Variants in PDHX observed in about 807,000 individuals in gnomAD.
PDHX encodes the protein pyruvate dehydrogenase protein X component, mitochondrial.
PDHX carries 33 observed loss-of-function variants against 55.3 expected under a neutral mutation model. The observed-to-expected ratio is 0.60, with a 90% CI of 0.45 to 0.80. PDHX has a LOEUF of 0.80. Ranked by LOEUF, PDHX falls within the 30% of genes least tolerant of loss-of-function variation. The pLI is 0.00. For missense variants in PDHX, 622 were observed against 619.9 expected (o/e 1.00, Z -0.04); for synonymous variants, 226 against 219.4 (o/e 1.03, Z -0.27).
chr11:34,994,125 G>A (rs1309594210), intron 10 of PDHX, among the ~76,000 whole-genome samples: 3 of 152,140 alleles, frequency 2.0e-5, no homozygotes, highest in Non-Finnish European at 2.9e-5. Flanking sequence ...ACATCATAGA[G>A]TGTACTTACG....
At chr11:34,934,982 A>G (rs1249631348) in intron 2 of PDHX, among the ~76,000 whole-genome samples, 1 of 152,058 alleles carries the variant, frequency 6.6e-6, no homozygotes, top group Non-Finnish European at 1.5e-5. Context: ...ATACTTACGA[A>G]TAAAATGACA....
intron 5 of PDHX, among the ~76,000 whole-genome samples, chr11:34,965,843 T>G (rs1273908376): frequency 2.0e-5 from 3 of 152,142 alleles, no homozygotes; most frequent in Non-Finnish European, 1.5e-5. Context: ...ATAAAACAAT[T>G]TTTTTTCTTA....
At chr11:34,950,527 C>A (rs1288388734) in intron 3 of PDHX, among the ~76,000 whole-genome samples, 3 of 136,714 alleles carry the variant, frequency 2.2e-5, no homozygotes, top group South Asian at 2.4e-4. Context: ...CCTCCCCCTT[C>A]CCCCCACCCC....
intron 9 of PDHX, among the ~76,000 whole-genome samples, chr11:34,991,431 A>G (rs1205902302): frequency 6.6e-6 from 1 of 152,212 alleles, no homozygotes; most frequent in Admixed American, 6.6e-5. Context: ...ATCATTTCTG[A>G]AGGCTGACAA....
At chr11:34,988,563 A>G (rs113972528) in intron 9 of PDHX, among the ~76,000 whole-genome samples, 4 of 138,908 alleles carry the variant, frequency 2.9e-5, no homozygotes, top group African/African-American at 1.4e-4. Flanking sequence ...TCTGTCAAAA[A>G]AAAAAAAAAA....
At chr11:34,947,480 AAAAC>A (rs757067040) in intron 2 of PDHX, 22 bp from the exon 3 acceptor site, 18 of 1,528,902 alleles carry the variant, frequency 1.2e-5, no homozygotes, top group Non-Finnish European at 1.4e-5. Context: ...TTTAAAAAAC[AAAAC>A]AAACCCAGTC....
intron 1 of PDHX, among the ~76,000 whole-genome samples, chr11:34,925,466 T>G (rs1853996239): frequency 1.3e-5 from 2 of 152,216 alleles, no homozygotes; most frequent in African/African-American, 4.8e-5. Flanking sequence ...CTGTTATTCC[T>G]TTTCTCTGTG....
At chr11:34,916,527 C>T (rs112032820), upstream of PDHX, 443,161 of 1,231,024 alleles carry the variant, frequency 0.36, 74,250 homozygotes, top group Non-Finnish European at 0.4. Context: ...GGTTGGGGGG[C>T]GGGGGTTCAA....
intron 3 of PDHX, among the ~76,000 whole-genome samples, chr11:34,953,774 C>T (rs776655956): frequency 3.9e-5 from 6 of 152,144 alleles, no homozygotes; most frequent in Non-Finnish European, 8.8e-5. Flanking sequence ...TGATCTTGAG[C>T]AAGTTACATA....
intron 1 of PDHX, among the ~76,000 whole-genome samples, chr11:34,923,148 A>G (rs1853937098): frequency 6.6e-6 from 1 of 152,162 alleles, no homozygotes; most frequent in Non-Finnish European, 1.5e-5. Flanking sequence ...GATACTAAGT[A>G]GAAGTATAAT....
intron 1 of PDHX, among the ~76,000 whole-genome samples, chr11:34,930,897 A>G (rs1005670019): frequency 2.0e-5 from 3 of 152,238 alleles, no homozygotes; most frequent in Non-Finnish European, 4.4e-5. Context: ...CTTGAATACT[A>G]TAATATTAGA....
chr11:34,989,378 A>AG (rs1855714146), intron 9 of PDHX, among the ~76,000 whole-genome samples: 3 of 150,596 alleles, frequency 2.0e-5, no homozygotes, highest in South Asian at 4.1e-4. Context: ...TGCAACTGGG[A>AG]GAAAAAAAGG....
chr11:34,916,674 C>A lies in PDHX; in HGVS notation c.19C>A (p.Leu7Met). 6.2e-7 allele frequency: 1 copy of A among 1,610,970 alleles called. No individual in the cohort carries two copies. Residue 7 changes from leucine to methionine, a missense_variant, in exon 1 of 11, where the codon CTG becomes ATG. Physicochemically the swap from Leu to Met is conservative, Grantham distance 15. Coordinates refer to ENST00000227868, the MANE Select transcript of PDHX (RefSeq NM_003477.3). MAASWR[L>M]GCDPRLLRYL... ...CGTCAAGATGGCGGCCTCCTGGAGG[C>A]TGGGCTGTGATCCGCGGCTGCTGCG...
intron 6 of PDHX, among the ~76,000 whole-genome samples, chr11:34,968,388 T>C (rs1264721768): frequency 6.6e-6 from 1 of 152,218 alleles, no homozygotes; most frequent in African/African-American, 2.4e-5. Context: ...AATTTCTTAA[T>C]GATATTTGTA....
At chr11:34,957,650 A>G in intron 4 of PDHX, 67 bp downstream of exon 4, 1 of 1,239,966 alleles carries the variant, frequency 8.1e-7, no homozygotes, top group South Asian at 1.2e-5. Flanking sequence ...ATGGAATTGT[A>G]ATCATTATCA....
intron 1 of PDHX, among the ~76,000 whole-genome samples, chr11:34,925,980 A>G (rs948936329): frequency 5.3e-5 from 8 of 152,202 alleles, no homozygotes; most frequent in Non-Finnish European, 1.2e-4. Context: ...CAACCTATAT[A>G]TTGCTTATGG....
rs1854813775 is a variant in PDHX, at chr11:34,953,018, A to G, written c.343-4366A>G. On this transcript the variant is annotated intron_variant, in intron 3 of 10. Transcript: ENST00000227868. ...TCTCAGGATACAAAATCAATGTACA[A>G]AAATCACAGGCATTCTTATACACCA... Among the ~76,000 whole-genome samples the G allele has an allele frequency of 2.6e-5, 4 of 152,184 alleles. No homozygotes were observed. In the South Asian group the frequency reaches 6.2e-4, roughly 24 times the overall value.
intron 2 of PDHX, among the ~76,000 whole-genome samples, chr11:34,941,623 AC>A (rs1452942348): frequency 2.0e-5 from 3 of 152,166 alleles, no homozygotes; most frequent in African/African-American, 7.2e-5. Flanking sequence ...CACATCTTTT[AC>A]GTAAAGACTT....
chr11:34,941,258 A>G (rs1254589413), intron 2 of PDHX, among the ~76,000 whole-genome samples: 1 of 152,196 alleles, frequency 6.6e-6, no homozygotes, highest in Non-Finnish European at 1.5e-5. Context: ...AAAAGGGATG[A>G]CAAACACTGA....
Sources: gnomAD v4.1 joint callset for allele counts (sites outside exome capture counted in the v4.1 genomes callset) on GRCh38, gnomAD v4.1.1 for gene constraint, MANE v1.5 for transcripts, NCBI Gene and HGNC (gene_info 2026-07-23, HGNC 2026-07-21) for gene names.